The following CSGALNACT1 variants were observed in gnomAD, a reference collection of about 807,000 sequenced individuals.
CSGALNACT1 encodes the protein chondroitin sulfate N-acetylgalactosaminyltransferase 1, also known as beta4GalNAcT-1.
A neutral mutation model predicts 51.0 loss-of-function variants in CSGALNACT1; 52 were observed. The ratio of observed to expected loss-of-function variants is 1.02; its 90% CI spans 0.82 to 1.29. The LOEUF (loss-of-function observed/expected upper bound fraction) is 1.29. Among genes scored for constraint, CSGALNACT1 ranks in the 50% most tolerant of loss-of-function variants. CSGALNACT1 has a pLI of 0.00. For synonymous variants in CSGALNACT1, 341 were observed against 254.4 expected (o/e 1.34, Z -3.24); for missense variants, 935 against 679.2 (o/e 1.38, Z -4.19).
At chr8:19,654,299 A>G (rs1194042950) in intron 1 of CSGALNACT1, among the ~76,000 whole-genome samples, 1 of 152,214 alleles carries the variant, frequency 6.6e-6, no homozygotes, top group Non-Finnish European at 1.5e-5. Context: ...CAAGCTTTGA[A>G]TTTCAAATAG....
chr8:19,594,972 T>A lies in CSGALNACT1; in HGVS notation c.-415-3694A>T, dbSNP rs2048595610. On this transcript the variant is annotated intron_variant, in intron 2 of 9. Coordinates refer to ENST00000454498, the Ensembl canonical transcript of CSGALNACT1. ...GTGTTATAAAGTTAGAAAACACATT[T>A]GATGATAGAAGTAGCCCTGTCTGCA... is the stretch of plus-strand genomic sequence containing the variant. Among the ~76,000 whole-genome samples the A allele has an allele frequency of 3.3e-5, 5 of 152,198 alleles. No homozygotes were observed. The South Asian group carries it at 1.0e-3, about 32-fold the overall frequency.
chr8:19,442,197 G>C (rs1365769502), intron 5 of CSGALNACT1, among the ~76,000 whole-genome samples: 13 of 152,164 alleles, frequency 8.5e-5, no homozygotes, highest in Non-Finnish European at 1.8e-4. Flanking sequence ...AATACCGTTT[G>C]ACCCAGCCAT....
Position 19,666,883 on chromosome 8 carries a change from A to AAGAAAG in CSGALNACT1, c.-544+15589_-544+15590insCTTTCT, listed in dbSNP as rs1263613762. 4.4e-4 allele frequency among the ~76,000 whole-genome samples: 43 copies of AAGAAAG among 97,370 alleles called. 1 individual carries two copies. The highest frequency in any genetic ancestry group is 5.1e-3 in the Middle Eastern group (1 of 198). 63.9% of individuals were successfully genotyped at this position (97,370 alleles called of 152,430 possible). On this transcript the variant is annotated intron_variant, in intron 1 of 9. Transcript: ENST00000332246. ...AAAGAAAGAAAGAAAGAAAGAAAGA[A>AAGAAAG]AGAGAGAGAGGAAGTGAGGAAGGGA...
intron 4 of CSGALNACT1, among the ~76,000 whole-genome samples, chr8:19,491,013 A>C (rs1337529855): frequency 6.6e-6 from 1 of 152,136 alleles, no homozygotes; most frequent in Non-Finnish European, 1.5e-5. Context: ...CTTATTGCAA[A>C]GTATAACAGC....
chr8:19,714,444 A>T (rs188347135), intron 1 of CSGALNACT1, among the ~76,000 whole-genome samples: 25 of 151,922 alleles, frequency 1.6e-4, no homozygotes, highest in East Asian at 1.5e-3. Flanking sequence ...ATTTCTTTAA[A>T]TATTTTCCCA....
chr8:19,534,501 C>T (rs2083378351), intron 3 of CSGALNACT1, among the ~76,000 whole-genome samples: 2 of 151,954 alleles, frequency 1.3e-5, no homozygotes, highest in African/African-American at 4.8e-5. Context: ...GAAGCAGATT[C>T]CTGGGGAATC....
Position 19,455,048 on chromosome 8 carries a change from G to T in CSGALNACT1, c.851+3378C>A, listed in dbSNP as rs369716411. 1.9e-4 allele frequency among the ~76,000 whole-genome samples: 29 copies of T among 152,298 alleles called. 1 individual carries two copies. Among genetic ancestry groups the T allele is most frequent in the East Asian group, 1.7e-3 (9 of 5,184 alleles). On this transcript the variant is annotated intron_variant, in intron 5 of 9. Transcript: ENST00000454498. ...CTGGCAAGCAATTCTTCTATCTGCA[G>T]ATATGCAAAGAAAATTGCCCAAAGT...
chr8:19,652,295 T>A (rs1242195453), intron 1 of CSGALNACT1, among the ~76,000 whole-genome samples: 8 of 152,144 alleles, frequency 5.3e-5, no homozygotes, highest in Admixed American at 4.6e-4. Context: ...ATGAGGTTGA[T>A]TAATAATAAC....
intron 1 of CSGALNACT1, among the ~76,000 whole-genome samples, chr8:19,616,896 C>T (rs574705269): frequency 1.3e-5 from 2 of 152,208 alleles, no homozygotes; most frequent in African/African-American, 4.8e-5. Flanking sequence ...ACTTTTCCCA[C>T]GGGGGTGGGG....
At chr8:19,720,508 G>C (rs1361332898) in intron 1 of CSGALNACT1, among the ~76,000 whole-genome samples, 1 of 152,186 alleles carries the variant, frequency 6.6e-6, no homozygotes, top group Non-Finnish European at 1.5e-5. Context: ...TACCTGGAGA[G>C]ACACTGTTCA....
chr8:19,595,462 T>C (rs2048689737), intron 2 of CSGALNACT1, among the ~76,000 whole-genome samples: 1 of 152,174 alleles, frequency 6.6e-6, no homozygotes, highest in Non-Finnish European at 1.5e-5. Flanking sequence ...CATTTAAGGG[T>C]AAACACTAAT....
intron 1 of CSGALNACT1, among the ~76,000 whole-genome samples, chr8:19,723,122 G>A (rs1458669015): frequency 6.6e-6 from 1 of 152,176 alleles, no homozygotes; most frequent in African/African-American, 2.4e-5. Flanking sequence ...TCAAGCCTCT[G>A]TCCTGGGAAA....
intron 3 of CSGALNACT1, among the ~76,000 whole-genome samples, chr8:19,567,749 CA>C (rs1356095008): frequency 6.6e-6 from 1 of 151,840 alleles, no homozygotes; most frequent in Non-Finnish European, 1.5e-5. Context: ...ATCCAAAATC[CA>C]AATGAAAACA....
chr8:19,652,595 A>G (rs1281337913), intron 1 of CSGALNACT1, among the ~76,000 whole-genome samples: 1 of 152,110 alleles, frequency 6.6e-6, no homozygotes, highest in Non-Finnish European at 1.5e-5. Context: ...GCATACAGAC[A>G]CCACAAAACA....
At chr8:19,716,002 C>T (rs2062784041) in intron 1 of CSGALNACT1, among the ~76,000 whole-genome samples, 1 of 152,128 alleles carries the variant, frequency 6.6e-6, no homozygotes, top group Admixed American at 6.6e-5. Context: ...TGCTTGTCAG[C>T]CTTGTAGTAG....
intron 1 of CSGALNACT1, among the ~76,000 whole-genome samples, chr8:19,700,580 A>G (rs2061811638): frequency 6.6e-6 from 1 of 152,216 alleles, no homozygotes; most frequent in African/African-American, 2.4e-5. Context: ...GGTGGTATCT[A>G]TGAATGTGAA....
intron 6 of CSGALNACT1, among the ~76,000 whole-genome samples, chr8:19,431,663 T>C (rs2059669064): frequency 6.6e-6 from 1 of 152,114 alleles, no homozygotes; most frequent in African/African-American, 2.4e-5. Context: ...GTTATCAGGG[T>C]AATGCTGGCT....
At chr8:19,725,845 T>C (rs1280899748) in intron 1 of CSGALNACT1, among the ~76,000 whole-genome samples, 1 of 152,040 alleles carries the variant, frequency 6.6e-6, no homozygotes. Context: ...CCCCCATTAC[T>C]CACATACCCT....
intron 1 of CSGALNACT1, among the ~76,000 whole-genome samples, chr8:19,721,253 G>A (rs2063113436): frequency 6.6e-6 from 1 of 152,138 alleles, no homozygotes; most frequent in Non-Finnish European, 1.5e-5. Context: ...CGGAGACTGT[G>A]AAACTGATCT....
Sources: gnomAD v4.1 joint callset for allele counts (sites outside exome capture counted in the v4.1 genomes callset) on GRCh38, gnomAD v4.1.1 for gene constraint, MANE v1.5 for transcripts, NCBI Gene and HGNC (gene_info 2026-07-23, HGNC 2026-07-21) for gene names.